TRAF1: variants seen among roughly 807,000 people sequenced by gnomAD.
The protein encoded by TRAF1 is TNF receptor associated factor 1, also known as TNF receptor-associated factor 1.
TRAF1 carries 23 observed loss-of-function variants against 40.9 expected under a neutral mutation model. The ratio of observed to expected loss-of-function variants is 0.56; its 90% CI spans 0.40 to 0.80. The LOEUF is 0.80. Ranked by LOEUF, TRAF1 falls within the 30% of genes least tolerant of loss-of-function variation. The pLI, the probability that TRAF1 is intolerant of heterozygous loss-of-function variation, is 0.00. For missense variants in TRAF1, 477 were observed against 528.7 expected (o/e 0.90, Z 0.96); for synonymous variants, 206 against 218.8 (o/e 0.94, Z 0.52).
intron 6 of TRAF1, 131 bp downstream of exon 6, chr9:120,911,205 G>A: frequency 9.5e-7 from 1 of 1,049,214 alleles, no homozygotes; most frequent in Admixed American, 2.7e-5. Context: ...ATGGTGAGTG[G>A]CCTGAATGGG....
intron 3 of TRAF1, among the ~76,000 whole-genome samples, chr9:120,920,796 G>A (rs1392797907): frequency 6.6e-6 from 1 of 152,236 alleles, no homozygotes; most frequent in Admixed American, 6.5e-5. Flanking sequence ...GGCATGGGAA[G>A]TGTTTGCAAG....
chr9:120,924,552 T>C (rs974401349), intron 2 of TRAF1, among the ~76,000 whole-genome samples: 3 of 152,090 alleles, frequency 2.0e-5, no homozygotes, highest in Non-Finnish European at 4.4e-5. Flanking sequence ...GTAGCTGGGA[T>C]TACAGGTGCA....
At chr9:120,924,991 C>A (rs1326276481) in intron 2 of TRAF1, among the ~76,000 whole-genome samples, 2 of 152,254 alleles carry the variant, frequency 1.3e-5, no homozygotes, top group African/African-American at 4.8e-5. Context: ...CCCTGACAAT[C>A]CGCTTGATGG....
At chr9:120,912,031 G>A (rs1013818643) in intron 5 of TRAF1, among the ~76,000 whole-genome samples, 1 of 152,170 alleles carries the variant, frequency 6.6e-6, no homozygotes, top group Admixed American at 6.5e-5. Flanking sequence ...CTCAGCGCCT[G>A]GCCCTTCTAA....
At position 120,905,207 on chromosome 9, in the gene TRAF1, C is replaced by A. The variant is rs377746528; in HGVS notation, c.1064G>T (p.Arg355Leu). Residue 355 changes from arginine to leucine, a missense_variant, in exon 8 of 8, where the codon CGT becomes CTT. Arg to Leu is a moderately radical substitution (Grantham distance 102). Coordinates refer to ENST00000373887, the MANE Select transcript of TRAF1 (RefSeq NM_005658.5). ...CCGGAAGGCGTCAATGGCGTGCTCA[C>A]GGTTGTTCTGGTCCAGCAGCATGAA... Reference protein sequence around the residue: ...VTFMLLDQNNREHAIDAFRPD... With the variant: ...VTFMLLDQNNLEHAIDAFRPD... 2 of 1,613,286 alleles carry A rather than the reference C, an allele frequency of 1.2e-6. No individual in the cohort carries two copies.
At chr9:120,915,001 T>A (rs1298986182) in intron 3 of TRAF1, among the ~76,000 whole-genome samples, 4 of 152,022 alleles carry the variant, frequency 2.6e-5, no homozygotes, top group African/African-American at 9.7e-5. Context: ...ATTTTACTGA[T>A]GAAAAAACTG....
Position 120,925,641 on chromosome 9 carries a change from G to C in TRAF1, c.140+295C>G, listed in dbSNP as rs1226045650. Among the ~76,000 whole-genome samples the C allele has an allele frequency of 2.6e-5, 4 of 152,228 alleles. No individual in the cohort carries two copies. The East Asian group carries it at 7.7e-4, about 29-fold the overall frequency. ...TTACAGACAAGCGAGCTGCGGCTTAGGGACATTAGCAGAGCACCAGACCAC... is the reference window on the plus strand; with the variant it reads ...TTACAGACAAGCGAGCTGCGGCTTACGGACATTAGCAGAGCACCAGACCAC... On this transcript the variant is annotated intron_variant, in intron 2 of 7. Coordinates refer to ENST00000373887, the MANE Select transcript of TRAF1 (RefSeq NM_005658.5).
intron 6 of TRAF1, 114 bp from the exon 7 acceptor site, chr9:120,909,492 GT>G: frequency 7.9e-7 from 1 of 1,262,710 alleles, no homozygotes; most frequent in Non-Finnish European, 1.1e-6. Flanking sequence ...GAAAGATGGG[GT>G]TAGAACCCAG....
chr9:120,918,686 C>T (rs529109390), intron 3 of TRAF1, among the ~76,000 whole-genome samples: 1 of 152,308 alleles, frequency 6.6e-6, no homozygotes, highest in African/African-American at 2.4e-5. Context: ...CCCATAGGAT[C>T]CCTGTGACAA....
intron 6 of TRAF1, among the ~76,000 whole-genome samples, chr9:120,911,125 T>C (rs2046522875): frequency 6.6e-6 from 1 of 152,260 alleles, no homozygotes; most frequent in South Asian, 2.1e-4. Flanking sequence ...CACCGCTATG[T>C]GTGGCTGAGA....
chr9:120,924,798 G>T (rs1204996870), intron 2 of TRAF1, among the ~76,000 whole-genome samples: 1 of 152,230 alleles, frequency 6.6e-6, no homozygotes, highest in African/African-American at 2.4e-5. Context: ...GAGGGAATGA[G>T]GCCCCAGAGG....
chr9:120,925,854 G>T (rs2046636440), intron 2 of TRAF1, 82 bp downstream of exon 2: 5 of 1,583,860 alleles, frequency 3.2e-6, no homozygotes, highest in Non-Finnish European at 4.3e-6. Flanking sequence ...GAAGTCACAG[G>T]CTCCTCTGCC....
intron 5 of TRAF1, among the ~76,000 whole-genome samples, chr9:120,912,239 C>T (rs755627370): frequency 2.0e-5 from 3 of 152,008 alleles, no homozygotes; most frequent in Non-Finnish European, 1.5e-5. Context: ...ATGGTAATTG[C>T]GAATGGTGAG....
chr9:120,916,760 T>C (rs1358135983), intron 3 of TRAF1, among the ~76,000 whole-genome samples: 4 of 150,446 alleles, frequency 2.7e-5, no homozygotes, highest in African/African-American at 9.8e-5. Context: ...AGATGTTCTA[T>C]GGAAGGCAGG....
chr9:120,908,756 C>T (rs1478937180), intron 7 of TRAF1, among the ~76,000 whole-genome samples: 1 of 152,132 alleles, frequency 6.6e-6, no homozygotes, highest in Non-Finnish European at 1.5e-5. Context: ...GACGGGGTCT[C>T]ACCATGTTGG....
Position 120,926,152 on chromosome 9 carries a change from T to G in TRAF1, c.-77A>C. On this transcript the variant is annotated 5_prime_UTR_variant, in exon 2 of 8. Coordinates refer to ENST00000373887, the MANE Select transcript of TRAF1 (RefSeq NM_005658.5). ...GGACCAGCCTTGTGGAGTCCTGGCC[T>G]GGGCCTCACTCTCTGGTGAGTAGGA... 7.0e-7 allele frequency: 1 copy of G among 1,421,514 alleles called. No individual in the cohort carries two copies. The highest frequency in any genetic ancestry group is 1.5e-5 in the South Asian group (1 of 66,486). 88.1% of individuals were successfully genotyped at this position (1,421,514 alleles called of 1,614,324 possible).
chr9:120,913,892 C>A (rs1289874421), intron 4 of TRAF1, among the ~76,000 whole-genome samples, 154 bp from the exon 5 acceptor site: 1 of 152,170 alleles, frequency 6.6e-6, no homozygotes, highest in African/African-American at 2.4e-5. Flanking sequence ...CAGAGGAAGA[C>A]CCTGGCATCA....
rs2046620510 is a variant in TRAF1 at position 120,923,810 on chromosome 9, A to G, written c.141-18T>C. The G allele has an allele frequency of 1.2e-6, 2 of 1,613,170 alleles. No individual in the cohort carries two copies. The highest frequency in any genetic ancestry group is 1.7e-6 in the Non-Finnish European group (2 of 1,179,306). ...CGCCATTCCTGGGGAAACATGGACA[A>G]AGCCTTGGAGAGAGGCACTACAGCT... On this transcript the variant is annotated intron_variant, in intron 2 of 7. Transcript: ENST00000373887.
At chr9:120,911,612 G>C (rs7021880) in intron 5 of TRAF1, 99 bp from the exon 6 acceptor site, 435,292 of 1,414,608 alleles carry the variant, frequency 0.31, 68,434 homozygotes, top group Non-Finnish European at 0.33. Context: ...GATGTGTTTT[G>C]CTGACCACGC....
Sources: allele counts gnomAD v4.1 joint callset (sites outside exome capture counted in the v4.1 genomes callset), GRCh38; gene constraint gnomAD v4.1.1; transcripts MANE v1.5; gene names NCBI Gene and HGNC (gene_info 2026-07-23, HGNC 2026-07-21).